CLEC2L: variants seen among roughly 807,000 people sequenced by gnomAD.
The protein encoded by CLEC2L is C-type lectin domain family 2, member L.
CLEC2L carries 14 observed loss-of-function variants against 23.6 expected under a neutral mutation model. That is an observed-to-expected ratio of 0.59 (90% CI 0.39 to 0.93). CLEC2L has a LOEUF of 0.93. Among genes scored for constraint, CLEC2L ranks in the 40% least tolerant of loss-of-function variants. The probability of loss-of-function intolerance (pLI) is 0.00; values close to 1 mark genes in which losing one functional copy is unlikely to be tolerated. For synonymous variants in CLEC2L, 114 were observed against 121.3 expected (o/e 0.94, Z 0.40); for missense variants, 264 against 282.4 (o/e 0.93, Z 0.47).
chr7:139,536,248 T>A, intron 1 of CLEC2L, 26 bp from the exon 2 acceptor site: 1 of 1,545,802 alleles, frequency 6.5e-7, no homozygotes, highest in Non-Finnish European at 8.8e-7. Context: ...GGCGGTGGGA[T>A]GTTGAACCCC....
At chr7:139,525,220 G>C (rs1050438150) in intron 1 of CLEC2L, among the ~76,000 whole-genome samples, 1 of 151,992 alleles carries the variant, frequency 6.6e-6, no homozygotes, top group Non-Finnish European at 1.5e-5. Flanking sequence ...GAAGACTGGT[G>C]GTGGCCCAGA....
chr7:139,533,313 G>A (rs1569426705), intron 1 of CLEC2L, among the ~76,000 whole-genome samples: 1 of 152,218 alleles, frequency 6.6e-6, no homozygotes, highest in African/African-American at 2.4e-5. Context: ...TCAGCTAAAA[G>A]AGTTGACAGT....
At chr7:139,533,908 A>G (rs1308759444) in intron 1 of CLEC2L, among the ~76,000 whole-genome samples, 4 of 152,210 alleles carry the variant, frequency 2.6e-5, no homozygotes, top group African/African-American at 9.6e-5. Context: ...CACTGTTTTC[A>G]TCTATGATTT....
chr7:139,532,962 G>A (rs1486837262), intron 1 of CLEC2L, among the ~76,000 whole-genome samples: 2 of 152,222 alleles, frequency 1.3e-5, no homozygotes, highest in African/African-American at 4.8e-5. Flanking sequence ...GCGTTTTGGT[G>A]TTGAAATAAT....
Position 139,544,639 on chromosome 7 carries a change from C to T in CLEC2L, c.*297C>T. 1 of 330,304 alleles carries T rather than the reference C, an allele frequency of 3.0e-6. No homozygotes were observed. Among genetic ancestry groups the T allele is most frequent in the Admixed American group, 4.4e-5 (1 of 22,802 alleles). 20.5% of individuals were successfully genotyped at this position (330,304 alleles called of 1,614,324 possible). A position where few individuals can be genotyped will look rare whatever the true frequency, so the allele number is the denominator to read the frequency against. ...GGTACACGCACGCACAGACGCTGTC[C>T]CTTCTGAAGCTCAGTGTCCATCCTG... On this transcript the variant is annotated 3_prime_UTR_variant, in exon 5 of 5. Transcript: ENST00000422142.
rs181185626 is a variant in CLEC2L at position 139,531,834 on chromosome 7, C to G, written c.191-4440C>G. On this transcript the variant is annotated intron_variant, in intron 1 of 4. Coordinates refer to ENST00000422142, the MANE Select transcript of CLEC2L (RefSeq NM_001080511.4). ...CTGAGGCAGGAAAATTGCTTGAACC[C>G]AGGAGGTGGAGGTTGCAGTGAGCTG... is the stretch of plus-strand genomic sequence containing the variant. Among the ~76,000 whole-genome samples the G allele has an allele frequency of 3.2e-3, 480 of 151,836 alleles. 4 individuals are homozygous for G. Among genetic ancestry groups the G allele is most frequent in the African/African-American group, 0.011 (444 of 41,404 alleles).
intron 1 of CLEC2L, 110 bp downstream of exon 1, chr7:139,524,227 T>G: frequency 1.0e-6 from 1 of 954,572 alleles, no homozygotes; most frequent in Non-Finnish European, 1.2e-6. Context: ...AGGGGAGCGC[T>G]GGGAGCGCGG....
intron 4 of CLEC2L, among the ~76,000 whole-genome samples, 191 bp from the exon 5 acceptor site, chr7:139,544,040 A>G (rs1008415648): frequency 6.6e-6 from 1 of 152,206 alleles, no homozygotes; most frequent in African/African-American, 2.4e-5. Flanking sequence ...GGCTGGAGCT[A>G]CGGTGCACAG....
chr7:139,523,732 C>T lies in CLEC2L; in HGVS notation c.-196C>T, dbSNP rs1248566443. The T allele has an allele frequency of 1.5e-5, 3 of 203,298 alleles. No individual in the cohort carries two copies. Among genetic ancestry groups the T allele is most frequent in the Non-Finnish European group, 2.6e-5 (3 of 116,086 alleles). The allele number at this position is 203,298 out of a possible 1,614,324, so 12.6% of individuals were successfully genotyped here. A position where few individuals can be genotyped will look rare whatever the true frequency, so the allele number is the denominator to read the frequency against. ...GCGGCTCGGCGGGGCAGGCGCTGAGCGCACCGCGGCGGCACCCGGCGCAGA... is the reference window on the plus strand; with the variant it reads ...GCGGCTCGGCGGGGCAGGCGCTGAGTGCACCGCGGCGGCACCCGGCGCAGA... On this transcript the variant is annotated 5_prime_UTR_variant, in exon 1 of 5. Coordinates refer to ENST00000422142, the MANE Select transcript of CLEC2L (RefSeq NM_001080511.4). This position sits in a 1 kb window ranked among gnomAD's most constrained non-coding sequence, Gnocchi z 4.1.
intron 2 of CLEC2L, among the ~76,000 whole-genome samples, chr7:139,537,518 G>C (rs781566284): frequency 2.0e-5 from 3 of 152,182 alleles, no homozygotes; most frequent in Non-Finnish European, 2.9e-5. Flanking sequence ...GGTAAGGTTT[G>C]CTTGTGCAAA....
Position 139,540,291 on chromosome 7 carries a change from G to T in CLEC2L, c.266-30G>T. The T allele has an allele frequency of 7.5e-7, 1 of 1,341,370 alleles. No individual in the cohort carries two copies. Among genetic ancestry groups the T allele is most frequent in the South Asian group, 1.2e-5 (1 of 82,264 alleles). The allele number at this position is 1,341,370 out of a possible 1,614,324, so 83.1% of individuals were successfully genotyped here. On this transcript the variant is annotated intron_variant, in intron 2 of 4. Transcript: ENST00000422142. This position sits in a 1 kb window ranked among gnomAD's most constrained non-coding sequence, Gnocchi z 5.8. ...GAGTGGGACTCGGGCTGGGGGGGCG[G>T]GCAGGGCCGAGCTGGTCTCTTCCCT...
At chr7:139,541,474 T>C (rs1391707860) in intron 3 of CLEC2L, among the ~76,000 whole-genome samples, 1 of 152,226 alleles carries the variant, frequency 6.6e-6, no homozygotes, top group Non-Finnish European at 1.5e-5. Context: ...ACACAATTAA[T>C]GGAGTCTATT....
intron 4 of CLEC2L, 45 bp from the exon 5 acceptor site, chr7:139,544,186 G>C (rs1191572333): frequency 1.4e-6 from 2 of 1,479,500 alleles, no homozygotes; most frequent in Non-Finnish European, 1.9e-6. Flanking sequence ...GTTTTGGGCT[G>C]AATGTTCCAG....
intron 2 of CLEC2L, among the ~76,000 whole-genome samples, chr7:139,538,045 A>C (rs1299097185): frequency 6.6e-6 from 1 of 152,238 alleles, no homozygotes; most frequent in Non-Finnish European, 1.5e-5. Context: ...TGGAATCCAC[A>C]AAATGGCGGA....
Position 139,540,144 on chromosome 7 carries a change from T to C in CLEC2L, c.266-177T>C. ...GATGCCCCTGCCAGGCTTCCCACAG[T>C]CCCCTTTCTCATTCATTTAGTGGCC... On this transcript the variant is annotated intron_variant, in intron 2 of 4. Transcript: ENST00000422142. The surrounding 1 kb of genome is among the most constrained non-coding windows in gnomAD (Gnocchi z 5.8). 1.6e-6 allele frequency: 1 copy of C among 614,274 alleles called. No individual in the cohort carries two copies. Among genetic ancestry groups the C allele is most frequent in the Admixed American group, 3.0e-5 (1 of 33,634 alleles). 38.1% of individuals were successfully genotyped at this position (614,274 alleles called of 1,614,324 possible).
chr7:139,531,963 C>T (rs1447535119), intron 1 of CLEC2L, among the ~76,000 whole-genome samples: 2 of 151,700 alleles, frequency 1.3e-5, no homozygotes, highest in Non-Finnish European at 2.9e-5. Flanking sequence ...TGAAAAACAT[C>T]ACTTTCCACA....
chr7:139,544,471 C>G lies in CLEC2L; in HGVS notation c.*129C>G, dbSNP rs1359320435. The G allele has an allele frequency of 6.2e-6, 4 of 640,316 alleles. No homozygotes were observed. The highest frequency in any genetic ancestry group is 1.8e-5 in the African/African-American group (1 of 54,816). The allele number at this position is 640,316 out of a possible 1,614,324, so 39.7% of individuals were successfully genotyped here. A position where few individuals can be genotyped will look rare whatever the true frequency, so the allele number is the denominator to read the frequency against. On this transcript the variant is annotated 3_prime_UTR_variant, in exon 5 of 5. Transcript: ENST00000422142. ...AGCGGTGGGTGCGTGGCCTCCGCCC[C>G]AGGCCCCTCTCCCAGGCCCTGGCGC... is the stretch of plus-strand genomic sequence containing the variant.
In CLEC2L at chr7:139,540,606, C is replaced by A; in HGVS notation, c.432+119C>A. On this transcript the variant is annotated intron_variant, in intron 3 of 4. Transcript: ENST00000422142. The surrounding 1 kb of genome is among the most constrained non-coding windows in gnomAD (Gnocchi z 5.8). Reference sequence around the variant, plus strand: ...GTTCCCTGTGACACGTCTCCAAAGCCGCCCACCTGCTGCATAACCACTTGG... The same window carrying A: ...GTTCCCTGTGACACGTCTCCAAAGCAGCCCACCTGCTGCATAACCACTTGG... The A allele has an allele frequency of 8.5e-7, 1 of 1,182,106 alleles. No individual in the cohort carries two copies. Among genetic ancestry groups the A allele is most frequent in the Non-Finnish European group, 1.2e-6 (1 of 826,110 alleles). 73.2% of individuals were successfully genotyped at this position (1,182,106 alleles called of 1,614,324 possible). A position where few individuals can be genotyped will look rare whatever the true frequency, so the allele number is the denominator to read the frequency against.
In CLEC2L at chr7:139,540,137, C is replaced by T; in HGVS notation, c.266-184C>T. 1.7e-6 allele frequency: 1 copy of T among 602,556 alleles called. No homozygotes were observed. 37.3% of individuals were successfully genotyped at this position (602,556 alleles called of 1,614,324 possible). On this transcript the variant is annotated intron_variant, in intron 2 of 4. Transcript: ENST00000422142. The surrounding 1 kb of genome is among the most constrained non-coding windows in gnomAD (Gnocchi z 5.8). ...TCGTGATGATGCCCCTGCCAGGCTT[C>T]CCACAGTCCCCTTTCTCATTCATTT...
Sources: allele counts gnomAD v4.1 joint callset (sites outside exome capture counted in the v4.1 genomes callset), GRCh38; gene constraint gnomAD v4.1.1; non-coding constraint Gnocchi (gnomAD v3.1); transcripts MANE v1.5; gene names NCBI Gene and HGNC (gene_info 2026-07-23, HGNC 2026-07-21).